ZNF385B: variants seen among roughly 807,000 people sequenced by gnomAD.
ZNF385B encodes the protein zinc finger protein 385B, also known as zinc finger protein 533.
A neutral mutation model predicts 39.2 loss-of-function variants in ZNF385B; 23 were observed. That is an observed-to-expected ratio of 0.59 (90% CI 0.42 to 0.83). The LOEUF is 0.83. ZNF385B is among the 40% of genes least tolerant of loss of function. ZNF385B has a pLI of 0.00. For synonymous variants in ZNF385B, 205 were observed against 222.6 expected (o/e 0.92, Z 0.70); for missense variants, 552 against 598.9 (o/e 0.92, Z 0.82).
chr2:179,827,324 G>C (rs1707733874), intron 1 of ZNF385B, among the ~76,000 whole-genome samples: 1 of 152,058 alleles, frequency 6.6e-6, no homozygotes, highest in Non-Finnish European at 1.5e-5. Context: ...ATCACCTTGG[G>C]CCTTCTATTC....
intron 3 of ZNF385B, among the ~76,000 whole-genome samples, chr2:179,650,121 T>G (rs1693074614): frequency 6.6e-6 from 1 of 152,190 alleles, no homozygotes; most frequent in East Asian, 1.9e-4. Flanking sequence ...AGTTCACAAA[T>G]GTGTGATTTC....
intron 1 of ZNF385B, among the ~76,000 whole-genome samples, chr2:179,787,407 A>G (rs1705070027): frequency 6.6e-6 from 1 of 152,080 alleles, no homozygotes; most frequent in Non-Finnish European, 1.5e-5. Context: ...GAAGTATAGA[A>G]GCCTTAAAAC....
At chr2:179,499,184 C>A (rs62177234) in intron 5 of ZNF385B, among the ~76,000 whole-genome samples, 1 of 151,708 alleles carries the variant, frequency 6.6e-6, no homozygotes, top group Non-Finnish European at 1.5e-5. Context: ...CAAAAAGCTC[C>A]CCAGTAAAGA....
chr2:179,715,075 T>C (rs1700249926), intron 3 of ZNF385B, among the ~76,000 whole-genome samples: 1 of 152,168 alleles, frequency 6.6e-6, no homozygotes, highest in Non-Finnish European at 1.5e-5. Flanking sequence ...TCATCTGTTA[T>C]TGCTGACAAA....
chr2:179,812,030 T>G (rs1251833984), intron 1 of ZNF385B, among the ~76,000 whole-genome samples: 1 of 152,032 alleles, frequency 6.6e-6, no homozygotes, highest in Non-Finnish European at 1.5e-5. Context: ...GCCAATAAAC[T>G]ATGAAAAATG....
intron 4 of ZNF385B, among the ~76,000 whole-genome samples, chr2:179,532,155 A>C (rs924214115): frequency 6.6e-6 from 1 of 152,216 alleles, no homozygotes; most frequent in East Asian, 1.9e-4. Context: ...CAAGGAGGCT[A>C]TGGTTCAAAC....
intron 3 of ZNF385B, among the ~76,000 whole-genome samples, chr2:179,726,304 C>T (rs1190674832): frequency 6.6e-6 from 1 of 152,022 alleles, no homozygotes; most frequent in African/African-American, 2.4e-5. Flanking sequence ...TAATGCATGT[C>T]TTGCACCTCT....
intron 1 of ZNF385B, among the ~76,000 whole-genome samples, chr2:179,843,711 C>A (rs1708663049): frequency 6.6e-6 from 1 of 152,208 alleles, no homozygotes; most frequent in Non-Finnish European, 1.5e-5. Context: ...CAGATCACCT[C>A]CTTTTCTGTC....
At chr2:179,848,621 G>T (rs1181639837) in intron 1 of ZNF385B, among the ~76,000 whole-genome samples, 1 of 152,086 alleles carries the variant, frequency 6.6e-6, no homozygotes, top group African/African-American at 2.4e-5. Flanking sequence ...TAAGATATAC[G>T]ACCCCACATC....
At chr2:179,758,064 G>A (rs1418850451) in intron 3 of ZNF385B, among the ~76,000 whole-genome samples, 2 of 152,146 alleles carry the variant, frequency 1.3e-5, no homozygotes, top group African/African-American at 4.8e-5. Context: ...CACGCTGGGA[G>A]CTATAGAGTG....
chr2:179,858,150 T>G (rs1684747988), intron 1 of ZNF385B, among the ~76,000 whole-genome samples: 1 of 151,958 alleles, frequency 6.6e-6, no homozygotes, highest in Admixed American at 6.6e-5. Flanking sequence ...ATAGCCACCA[T>G]GGGAATAGAA....
intron 1 of ZNF385B, among the ~76,000 whole-genome samples, chr2:179,829,724 A>G (rs1455448111): frequency 6.6e-6 from 1 of 152,136 alleles, no homozygotes; most frequent in Non-Finnish European, 1.5e-5. Flanking sequence ...CGTGTTAGCC[A>G]CGATGGTCTC....
chr2:179,574,811 G>A (rs539557629), intron 3 of ZNF385B, among the ~76,000 whole-genome samples: 1 of 152,202 alleles, frequency 6.6e-6, no homozygotes, highest in African/African-American at 2.4e-5. Context: ...GGATGTTAGG[G>A]GGGAAGGGCT....
At chr2:179,640,007 T>C (rs1692122123) in intron 3 of ZNF385B, among the ~76,000 whole-genome samples, 1 of 152,004 alleles carries the variant, frequency 6.6e-6, no homozygotes, top group Admixed American at 6.6e-5. Context: ...AATCTAATCA[T>C]GAGGAAAGAA....
chr2:179,769,392 C>T (rs1703882606), intron 3 of ZNF385B, 111 bp downstream of exon 3: 2 of 1,480,416 alleles, frequency 1.4e-6, no homozygotes, highest in South Asian at 2.6e-5. Context: ...TACATGTTAT[C>T]ATGGTAGCCC....
At chr2:179,832,800 C>T (rs750832457) in intron 1 of ZNF385B, among the ~76,000 whole-genome samples, 15 of 152,104 alleles carry the variant, frequency 9.9e-5, no homozygotes, top group African/African-American at 1.2e-4. Context: ...AAGACCTAAC[C>T]GAATACACAT....
At chr2:179,455,184 A>T (rs549123999) in intron 6 of ZNF385B, among the ~76,000 whole-genome samples, 4 of 152,122 alleles carry the variant, frequency 2.6e-5, no homozygotes, top group Non-Finnish European at 4.4e-5. Flanking sequence ...AGATACACAA[A>T]TGCTTATTGT....
intron 3 of ZNF385B, among the ~76,000 whole-genome samples, chr2:179,648,048 C>T (rs1692881745): frequency 6.6e-6 from 1 of 152,006 alleles, no homozygotes; most frequent in African/African-American, 2.4e-5. Context: ...GGAGTCAGGG[C>T]CTCCAGAGGA....
chr2:179,860,310 T>G (rs1684938272), intron 1 of ZNF385B, among the ~76,000 whole-genome samples: 1 of 152,180 alleles, frequency 6.6e-6, no homozygotes, highest in South Asian at 2.1e-4. Flanking sequence ...TTATTTCCCC[T>G]GAAGAACAGC....
Sources: allele counts gnomAD v4.1 joint callset (sites outside exome capture counted in the v4.1 genomes callset), GRCh38; gene constraint gnomAD v4.1.1; transcripts MANE v1.5; gene names NCBI Gene and HGNC (gene_info 2026-07-23, HGNC 2026-07-21).